KRIT1: variants seen among roughly 807,000 people sequenced by gnomAD.
KRIT1 encodes the protein krev interaction trapped protein 1.
A neutral mutation model predicts 95.8 loss-of-function variants in KRIT1; 45 were observed. The observed-to-expected ratio is 0.47, with a 90% CI of 0.37 to 0.60. The LOEUF (loss-of-function observed/expected upper bound fraction) is 0.60, where lower values mean the gene tolerates loss of function less well. Ranked by LOEUF, KRIT1 falls within the 20% of genes least tolerant of loss-of-function variation. KRIT1 has a pLI of 0.00. For synonymous variants in KRIT1, 282 were observed against 278.8 expected, an observed-to-expected ratio of 1.01 and a Z score of -0.11; for missense variants, 788 against 877.5, an observed-to-expected ratio of 0.90 and a Z score of 1.29.
At chr7:92,207,495 C>A (rs1791824318) in intron 17 of KRIT1, among the ~76,000 whole-genome samples, 1 of 152,164 alleles carries the variant, frequency 6.6e-6, no homozygotes, top group Non-Finnish European at 1.5e-5. Flanking sequence ...CAACACCCCA[C>A]TCTCAACACT....
At chr7:92,213,476 C>T in intron 16 of KRIT1, 75 bp from the exon 17 acceptor site, 1 of 945,968 alleles carries the variant, frequency 1.1e-6, no homozygotes, top group Non-Finnish European at 1.7e-6. Context: ...CCAAATAGAT[C>T]AACTAAGCAG....
At position 92,221,931 on chromosome 7, in the gene KRIT1, C is replaced by T; in HGVS notation, c.1534G>A (p.Val512Met). 1 of 1,613,956 alleles carries T rather than the reference C, an allele frequency of 6.2e-7. No homozygotes were observed. The highest frequency in any genetic ancestry group is 8.5e-7 in the Non-Finnish European group (1 of 1,179,898). Reference protein sequence around the residue: ...ETPQLFLRRDVRLPLEVEKQI... With the variant: ...ETPQLFLRRDMRLPLEVEKQI... ...TTTTCAACTTCCAAGGGAAGTCTCA[C>T]ATCTCTTCTTAGAAAAAGCTGAGGT... The change falls in exon 14 of 19, where the codon GTG becomes ATG. Residue 512 changes from valine to methionine, a missense_variant. Val to Met is a conservative substitution (Grantham distance 21). Around this residue, in one of 3 missense-constraint regions of KRIT1, gnomAD observed 493 missense variants for 582.3 expected, o/e 0.85. Coordinates refer to ENST00000394505, the MANE Select transcript of KRIT1 (RefSeq NM_194454.3).
At chr7:92,225,850 G>T in intron 11 of KRIT1, 23 bp from the exon 12 acceptor site, 1 of 1,212,794 alleles carries the variant, frequency 8.2e-7, no homozygotes, top group Non-Finnish European at 1.2e-6. Context: ...GTGGGGAGGG[G>T]GAAAAAAGGC....
At chr7:92,210,162 G>T (rs995049950) in intron 17 of KRIT1, among the ~76,000 whole-genome samples, 1 of 151,974 alleles carries the variant, frequency 6.6e-6, no homozygotes, top group Non-Finnish European at 1.5e-5. Flanking sequence ...AAATACCAAT[G>T]ACATGCTTTA....
chr7:92,208,872 C>T (rs1792142113), intron 17 of KRIT1, among the ~76,000 whole-genome samples: 1 of 106,212 alleles, frequency 9.4e-6, no homozygotes, highest in South Asian at 3.4e-4. Flanking sequence ...AATAACAAAA[C>T]CAGACAAGGA....
At chr7:92,228,690 G>A (rs908377910) in intron 10 of KRIT1, among the ~76,000 whole-genome samples, 4 of 151,994 alleles carry the variant, frequency 2.6e-5, no homozygotes, top group Admixed American at 6.6e-5. Context: ...TCACCACCCA[G>A]GTACTAAGCC....
At chr7:92,230,854 T>C (rs918525930) in intron 10 of KRIT1, among the ~76,000 whole-genome samples, 1 of 152,030 alleles carries the variant, frequency 6.6e-6, no homozygotes, top group African/African-American at 2.4e-5. Context: ...ATAGGGATTA[T>C]GAAAGTAGAA....
intron 17 of KRIT1, among the ~76,000 whole-genome samples, chr7:92,209,353 TAG>T (rs1482709929): frequency 6.6e-6 from 1 of 152,112 alleles, no homozygotes; most frequent in Non-Finnish European, 1.5e-5. Flanking sequence ...CTGGAAGTCC[TAG>T]AGAGAGCATC....
chr7:92,200,842 T>G, intron 18 of KRIT1, 38 bp from the exon 19 acceptor site: 1 of 1,391,824 alleles, frequency 7.2e-7, no homozygotes, highest in Non-Finnish European at 1.0e-6. Context: ...ATATAAAACA[T>G]GTAAGAATCT....
In KRIT1 at chr7:92,226,583, A is replaced by G; in HGVS notation, c.1089T>C (p.Ala363=). Residue 363 remains alanine, a synonymous_variant, in exon 11 of 19, where the codon GCT becomes GCC. Transcript: ENST00000394505. ...GTACTATTTCAGCATGTCCTCCTCC[A>G]GCAGCAAAATGAAGAGGAGAACTAA... is the stretch of plus-strand genomic sequence containing the variant. ...GQLSSPLHFA[A]GGGHAEIVQI... is the part of the protein sequence containing the mutation. 1 of 1,612,730 alleles carries G rather than the reference A, an allele frequency of 6.2e-7. No individual in the cohort carries two copies. The highest frequency in any genetic ancestry group is 1.7e-4 in the Middle Eastern group (1 of 6,058).
intron 17 of KRIT1, among the ~76,000 whole-genome samples, chr7:92,207,644 G>C (rs892700567): frequency 6.6e-6 from 1 of 152,092 alleles, no homozygotes; most frequent in Non-Finnish European, 1.5e-5. Flanking sequence ...ATCACCTGAG[G>C]CCAGGAGTTT....
chr7:92,214,598 A>G lies in KRIT1; in HGVS notation c.1730+13T>C, dbSNP rs1584805314. The G allele has an allele frequency of 6.3e-7, 1 of 1,589,146 alleles. No individual in the cohort carries two copies. Among genetic ancestry groups the G allele is most frequent in the Admixed American group, 1.7e-5 (1 of 59,928 alleles). ...AGCATAGCACAAGACCATGCATAAT[A>G]TTAAATACTTACTTTAGGAAACCTT... On this transcript the variant is annotated intron_variant, in intron 15 of 18. Coordinates refer to ENST00000394505, the MANE Select transcript of KRIT1 (RefSeq NM_194454.3).
chr7:92,215,479 T>C (rs915959166), intron 14 of KRIT1, among the ~76,000 whole-genome samples: 2 of 152,158 alleles, frequency 1.3e-5, no homozygotes, highest in Non-Finnish European at 2.9e-5. Flanking sequence ...AATTTTTGTT[T>C]TGTTTTTTGA....
rs564413043 is a variant in KRIT1 at position 92,242,870 on chromosome 7, C to T, written c.-2-733G>A. The stretch of plus-strand genomic sequence containing the variant: ...TCGCTCTGTCACTTAGGCTAGAGTG[C>T]AGTGACAATCTCGCCTCAATGCAAC... On this transcript the variant is annotated intron_variant, in intron 3 of 18. Transcript: ENST00000394505. Among the ~76,000 whole-genome samples the T allele has an allele frequency of 3.3e-5, 5 of 152,252 alleles. No individual in the cohort carries two copies. In the East Asian group the frequency reaches 9.7e-4, roughly 29 times the overall value.
chr7:92,236,651 A>G lies in KRIT1; in HGVS notation c.356-109T>C, dbSNP rs571909740. 10 of 764,726 alleles carry G rather than the reference A, an allele frequency of 1.3e-5. No homozygotes were observed. The South Asian group carries it at 1.6e-4, about 12-fold the overall frequency. 47.4% of individuals were successfully genotyped at this position (764,726 alleles called of 1,614,324 possible). On this transcript the variant is annotated intron_variant, in intron 6 of 18. Transcript: ENST00000394505. ...TGAAAACTTGTTAAGTATAAAATAAATTGTTCTAGATTTGGAATTAGAAGG... is the reference window on the plus strand; with the variant it reads ...TGAAAACTTGTTAAGTATAAAATAAGTTGTTCTAGATTTGGAATTAGAAGG...
rs912890105 is a variant in KRIT1, at chr7:92,200,457, C to G, written c.*279G>C. 2.5e-6 allele frequency: 1 copy of G among 393,152 alleles called. No individual in the cohort carries two copies. The highest frequency in any genetic ancestry group is 2.1e-5 in the African/African-American group (1 of 48,192). 24.4% of individuals were successfully genotyped at this position (393,152 alleles called of 1,614,324 possible). A position where few individuals can be genotyped will look rare whatever the true frequency, so the allele number is the denominator to read the frequency against. ...ACAACCTCCACCTCCTGGGTTTAAGCGATCTCCCACCTTGGCCTCCCTAGT... is the reference window on the plus strand; with the variant it reads ...ACAACCTCCACCTCCTGGGTTTAAGGGATCTCCCACCTTGGCCTCCCTAGT... On this transcript the variant is annotated 3_prime_UTR_variant, in exon 19 of 19. Transcript: ENST00000394505.
At chr7:92,239,293 T>G (rs939622806) in intron 5 of KRIT1, among the ~76,000 whole-genome samples, 3 of 152,198 alleles carry the variant, frequency 2.0e-5, no homozygotes, top group African/African-American at 7.2e-5. Context: ...CATATCCCTC[T>G]GGGTAAATGG....
rs576997977 is a variant in KRIT1, at chr7:92,214,652, A to G, written c.1689T>C (p.Tyr563=). 4.6e-5 allele frequency: 74 copies of G among 1,612,890 alleles called. No homozygotes were observed. The highest frequency in any genetic ancestry group is 5.9e-5 in the Non-Finnish European group (69 of 1,179,112). Reference sequence around the variant, plus strand: ...TGTGTTTTTTACTCTCATAATTTCCATAGACTATTTGCAAAAGCAGACTTG... The same window carrying G: ...TGTGTTTTTTACTCTCATAATTTCCGTAGACTATTTGCAAAAGCAGACTTG... The part of the protein sequence containing the change: ...TLASLLLQIV[Y]GNYESKKHKQ... The change falls in exon 15 of 19, where the codon TAT becomes TAC. Residue 563 remains tyrosine, a synonymous_variant. Transcript: ENST00000394505.
rs1230603919 is a variant in KRIT1 at position 92,241,248 on chromosome 7, A to G, written c.103-96T>C. 12 of 895,766 alleles carry G rather than the reference A, an allele frequency of 1.3e-5. No individual in the cohort carries two copies. The Admixed American group carries it at 2.1e-4, about 16-fold the overall frequency. The allele number at this position is 895,766 out of a possible 1,614,324, so 55.5% of individuals were successfully genotyped here. A position where few individuals can be genotyped will look rare whatever the true frequency, so the allele number is the denominator to read the frequency against. ...AGCAGTCTTTCTCAACTCTAGCTGC[A>G]TATTAGAATAATTTGGGAAGCTTTA... is the stretch of plus-strand genomic sequence containing the variant. On this transcript the variant is annotated intron_variant, in intron 4 of 18. Transcript: ENST00000394505.
Sources: allele counts gnomAD v4.1 joint callset (sites outside exome capture counted in the v4.1 genomes callset), GRCh38; gene constraint gnomAD v4.1.1; regional missense constraint gnomAD v4.1.1; transcripts MANE v1.5; gene names NCBI Gene and HGNC (gene_info 2026-07-23, HGNC 2026-07-21).